The following DIS3L2 variants were observed in gnomAD, a reference collection of about 807,000 sequenced individuals.
The protein encoded by DIS3L2 is DIS3 like 3'-5' exoribonuclease 2.
A neutral mutation model predicts 97.5 loss-of-function variants in DIS3L2; 34 were observed. The observed-to-expected ratio is 0.35, with a 90% CI of 0.27 to 0.46. The LOEUF is 0.46. Ranked by LOEUF, DIS3L2 falls within the 20% of genes least tolerant of loss-of-function variation. The pLI, the probability that DIS3L2 is intolerant of heterozygous loss-of-function variation, is 1.00. For missense variants in DIS3L2, 1,038 were observed against 1,146.0 expected (o/e 0.91, Z 1.36); for synonymous variants, 435 against 445.2 (o/e 0.98, Z 0.29).
intron 10 of DIS3L2, among the ~76,000 whole-genome samples, chr2:232,219,746 C>T (rs547159984): frequency 1.3e-5 from 2 of 152,286 alleles, no homozygotes; most frequent in Admixed American, 1.3e-4. Flanking sequence ...TTCATCCCTA[C>T]AGGCTTCCAC....
At chr2:231,975,681 G>A (rs1405369522) in intron 1 of DIS3L2, among the ~76,000 whole-genome samples, 2 of 147,220 alleles carry the variant, frequency 1.4e-5, no homozygotes, top group Admixed American at 1.4e-4. Context: ...CTGCAGCCTG[G>A]GCGACAGAGC....
intron 12 of DIS3L2, among the ~76,000 whole-genome samples, chr2:232,259,262 C>A (rs1212010139): frequency 1.3e-5 from 2 of 151,608 alleles, no homozygotes; most frequent in Non-Finnish European, 2.9e-5. Flanking sequence ...TCTTATCTAT[C>A]TTGACTGATA....
chr2:232,079,819 G>A (rs778817481), intron 5 of DIS3L2, among the ~76,000 whole-genome samples: 18 of 152,098 alleles, frequency 1.2e-4, no homozygotes, highest in Non-Finnish European at 2.1e-4. Flanking sequence ...AAGTGAAAAA[G>A]CCCTAAGATG....
At chr2:232,182,413 T>G (rs1278187634) in intron 9 of DIS3L2, among the ~76,000 whole-genome samples, 1 of 152,228 alleles carries the variant, frequency 6.6e-6, no homozygotes, top group Non-Finnish European at 1.5e-5. Context: ...GAGTGAGTGT[T>G]CTGTAGATAT....
In DIS3L2 at chr2:232,325,978, G is replaced by C. The variant is rs1695561378; in HGVS notation, c.1740-3835G>C. On this transcript the variant is annotated intron_variant, in intron 14 of 20. Transcript: ENST00000325385. This position sits in a 1 kb window ranked among gnomAD's most constrained non-coding sequence, Gnocchi z 4.6. Reference sequence around the variant, plus strand: ...TCGGGGCTCCCGTGGCCCAGAGTGTGGAGCGGCTCAACCTGACCACCCAGG... The same window carrying C: ...TCGGGGCTCCCGTGGCCCAGAGTGTCGAGCGGCTCAACCTGACCACCCAGG... Among the ~76,000 whole-genome samples the C allele has an allele frequency of 2.0e-5, 3 of 152,056 alleles. No individual in the cohort carries two copies. The highest frequency in any genetic ancestry group is 2.0e-4 in the Admixed American group (3 of 15,280).
intron 6 of DIS3L2, among the ~76,000 whole-genome samples, chr2:232,093,681 T>A (rs1335886161): frequency 1.3e-5 from 2 of 152,162 alleles, no homozygotes; most frequent in Non-Finnish European, 1.5e-5. Flanking sequence ...ATATAGTTTC[T>A]CATAATATCC....
intron 13 of DIS3L2, among the ~76,000 whole-genome samples, chr2:232,285,396 T>C (rs544988458): frequency 1.3e-5 from 2 of 152,314 alleles, no homozygotes; most frequent in Admixed American, 6.5e-5. Context: ...GTCCAGCCTC[T>C]CCACCTGCAA....
intron 16 of DIS3L2, among the ~76,000 whole-genome samples, chr2:232,332,151 G>A (rs1368044015): frequency 4.6e-5 from 7 of 150,928 alleles, no homozygotes. Context: ...CAGCCAAGAG[G>A]GGCCAGGGCC....
At chr2:232,148,168 A>G (rs1050362168) in intron 8 of DIS3L2, among the ~76,000 whole-genome samples, 7 of 151,310 alleles carry the variant, frequency 4.6e-5, no homozygotes, top group African/African-American at 1.5e-4. Flanking sequence ...TCCTGCCTCA[A>G]CCTCCCAAGT....
intron 10 of DIS3L2, among the ~76,000 whole-genome samples, chr2:232,216,569 C>A (rs189823844): frequency 6.6e-6 from 1 of 152,152 alleles, no homozygotes; most frequent in African/African-American, 2.4e-5. Context: ...CCACCCCTCT[C>A]ACCTAGCCAC....
intron 1 of DIS3L2, among the ~76,000 whole-genome samples, chr2:231,976,890 C>T (rs1437167290): frequency 6.6e-6 from 1 of 151,646 alleles, no homozygotes; most frequent in East Asian, 2.0e-4. Context: ...GCCTCAGCCT[C>T]CCGAGTAGCT....
chr2:232,195,518 CTCTTG>C (rs988627721), intron 9 of DIS3L2, among the ~76,000 whole-genome samples: 3 of 117,812 alleles, frequency 2.5e-5, no homozygotes, highest in Non-Finnish European at 4.8e-5. Flanking sequence ...TGAAGCTGTC[CTCTTG>C]TCTTGAGTCA....
chr2:232,273,740 A>G (rs1694065935), intron 13 of DIS3L2, among the ~76,000 whole-genome samples: 1 of 152,180 alleles, frequency 6.6e-6, no homozygotes, highest in African/African-American at 2.4e-5. Context: ...TGGAAGGGGC[A>G]CTCCAGGGGA....
intron 9 of DIS3L2, among the ~76,000 whole-genome samples, chr2:232,203,889 A>G (rs1223560080): frequency 6.6e-6 from 1 of 152,230 alleles, no homozygotes; most frequent in Non-Finnish European, 1.5e-5. Flanking sequence ...AGCCCACTAT[A>G]GGAACAGCAC....
At chr2:231,993,763 ATTTTTT>A (rs555244063) in intron 1 of DIS3L2, among the ~76,000 whole-genome samples, 1 of 135,556 alleles carries the variant, frequency 7.4e-6, no homozygotes, top group African/African-American at 2.6e-5. Context: ...TTCCAACTGC[ATTTTTT>A]TTTTTTTTTT....
chr2:232,123,521 A>T (rs1697967946), intron 6 of DIS3L2, among the ~76,000 whole-genome samples: 1 of 150,690 alleles, frequency 6.6e-6, no homozygotes, highest in South Asian at 2.1e-4. Context: ...TACCCCCATC[A>T]CTGCTCCCCA....
At chr2:232,048,200 A>G (rs548736015) in intron 5 of DIS3L2, among the ~76,000 whole-genome samples, 1 of 152,190 alleles carries the variant, frequency 6.6e-6, no homozygotes, top group African/African-American at 2.4e-5. Flanking sequence ...AGTCTTATGA[A>G]TGTATACACA....
rs886055778 is a variant in DIS3L2, at chr2:232,336,931, G to A, written c.*301G>A. The A allele has an allele frequency of 8.2e-7, 1 of 1,218,474 alleles. No individual in the cohort carries two copies. The highest frequency in any genetic ancestry group is 1.0e-6 in the Non-Finnish European group (1 of 971,658). The allele number at this position is 1,218,474 out of a possible 1,614,324, so 75.5% of individuals were successfully genotyped here. On this transcript the variant is annotated 3_prime_UTR_variant, in exon 21 of 21. Coordinates refer to ENST00000325385, the MANE Select transcript of DIS3L2 (RefSeq NM_152383.5). ...CCTCCTCTGCCCAGGAAATGGGGGG[G>A]TTTCAGCAACTCAGTGTCACAGAAT...
chr2:232,294,876 TAATA>T (rs1694686511), intron 13 of DIS3L2, among the ~76,000 whole-genome samples: 5 of 152,300 alleles, frequency 3.3e-5, no homozygotes, highest in Middle Eastern at 3.4e-3. Flanking sequence ...AGGACGTGCT[TAATA>T]AATATTAGCT....
Sources: gnomAD v4.1 joint callset for allele counts (sites outside exome capture counted in the v4.1 genomes callset) on GRCh38, gnomAD v4.1.1 for gene constraint, Gnocchi (gnomAD v3.1) non-coding constraint, MANE v1.5 for transcripts, NCBI Gene and HGNC (gene_info 2026-07-23, HGNC 2026-07-21) for gene names.